The following SIPA1L3 variants were observed in gnomAD, a reference collection of about 807,000 sequenced individuals.
SIPA1L3 encodes signal induced proliferation associated 1 like 3.
SIPA1L3 carries 59 observed loss-of-function variants against 150.1 expected under a neutral mutation model. The ratio of observed to expected loss-of-function variants is 0.39; its 90% CI spans 0.32 to 0.49. The LOEUF (loss-of-function observed/expected upper bound fraction) is 0.49. Ranked by LOEUF, SIPA1L3 falls within the 20% of genes least tolerant of loss-of-function variation. SIPA1L3 has a pLI of 0.86. For missense variants in SIPA1L3, 2,211 were observed against 2,489.5 expected, an observed-to-expected ratio of 0.89 and a Z score of 2.38; for synonymous variants, 1,070 against 1,077.6, an observed-to-expected ratio of 0.99 and a Z score of 0.14.
intron 1 of SIPA1L3, among the ~76,000 whole-genome samples, chr19:37,975,150 G>T (rs1352718894): frequency 6.6e-6 from 1 of 152,226 alleles, no homozygotes; most frequent in Non-Finnish European, 1.5e-5. Context: ...GCCTGGAGGG[G>T]ACGCAAGAGA....
chr19:38,010,341 G>T (rs1968067555), intron 1 of SIPA1L3, among the ~76,000 whole-genome samples: 1 of 151,532 alleles, frequency 6.6e-6, no homozygotes, highest in Non-Finnish European at 1.5e-5. Context: ...CCAGGAGTTT[G>T]AGGCTATAGT....
intron 2 of SIPA1L3, among the ~76,000 whole-genome samples, chr19:38,056,017 C>G (rs1011500838): frequency 1.3e-5 from 2 of 152,242 alleles, no homozygotes; most frequent in Admixed American, 6.5e-5. Context: ...CTCTCTCCCT[C>G]CCGCTCGAGT....
intron 4 of SIPA1L3, among the ~76,000 whole-genome samples, chr19:38,089,260 G>T (rs561785507): frequency 1.3e-5 from 2 of 149,244 alleles, no homozygotes; most frequent in South Asian, 4.2e-4. Flanking sequence ...AGAGGCTGCA[G>T]TGAGCTGAGT....
chr19:38,100,418 G>C (rs1014810382), intron 5 of SIPA1L3, among the ~76,000 whole-genome samples: 1 of 152,138 alleles, frequency 6.6e-6, no homozygotes, highest in East Asian at 1.9e-4. Flanking sequence ...TGTCTATAGT[G>C]GGGGGTTAGT....
intron 1 of SIPA1L3, among the ~76,000 whole-genome samples, chr19:37,926,507 G>A (rs1206785518): frequency 1.3e-5 from 2 of 152,060 alleles, no homozygotes; most frequent in African/African-American, 4.8e-5. Context: ...TGGAACCCGT[G>A]GGCATTCTGC....
At chr19:38,100,846 G>A (rs999034327) in intron 5 of SIPA1L3, among the ~76,000 whole-genome samples, 8 of 152,216 alleles carry the variant, frequency 5.3e-5, no homozygotes, top group Non-Finnish European at 8.8e-5. Flanking sequence ...ACCTCGTTGT[G>A]CTTCTCTGGA....
At chr19:38,078,801 C>T (rs1452973157) in intron 2 of SIPA1L3, among the ~76,000 whole-genome samples, 1 of 152,200 alleles carries the variant, frequency 6.6e-6, no homozygotes, top group Non-Finnish European at 1.5e-5. Flanking sequence ...AGGGAGCGGG[C>T]ACGGCTGCTG....
At position 38,119,628 on chromosome 19, in the gene SIPA1L3, G is replaced by A. The variant is rs201424833; in HGVS notation, c.2614G>A (p.Ala872Thr). Reference sequence around the variant, plus strand: ...TGAGCAGCACAGTGCAGGGGCCATCGCCTGGAGGGTGGTGGCCCAGGACTA... The same window carrying A: ...TGAGCAGCACAGTGCAGGGGCCATCACCTGGAGGGTGGTGGCCCAGGACTA... ...GAEQHSAGAI[A>T]WRVVAQDYAQ... The change falls in exon 9 of 22, where the codon GCC becomes ACC. Residue 872 changes from alanine (A) to threonine (T), a missense_variant. Coordinates refer to ENST00000222345, the MANE Select transcript of SIPA1L3 (RefSeq NM_015073.3). 2.5e-5 allele frequency: 40 copies of A among 1,614,086 alleles called. No individual in the cohort carries two copies. In the East Asian group the frequency reaches 4.0e-4, roughly 16 times the overall value.
intron 2 of SIPA1L3, among the ~76,000 whole-genome samples, chr19:38,048,942 G>T (rs752124153): frequency 6.6e-6 from 1 of 152,106 alleles, no homozygotes; most frequent in Non-Finnish European, 1.5e-5. Flanking sequence ...AATTAGCTGG[G>T]TGTGGTAGTG....
chr19:38,177,211 A>C (rs889981829), intron 15 of SIPA1L3, among the ~76,000 whole-genome samples: 1 of 151,236 alleles, frequency 6.6e-6, no homozygotes, highest in East Asian at 2.0e-4. Flanking sequence ...AATAGAAAAA[A>C]CTAGCCAGGT....
intron 10 of SIPA1L3, among the ~76,000 whole-genome samples, chr19:38,131,983 G>A (rs992024290): frequency 1.3e-5 from 2 of 151,880 alleles, no homozygotes; most frequent in Admixed American, 6.6e-5. Flanking sequence ...ACCTGTAATC[G>A]TAACACTCTG....
intron 1 of SIPA1L3, among the ~76,000 whole-genome samples, chr19:37,914,409 G>A (rs1027402891): frequency 6.7e-6 from 1 of 148,616 alleles, no homozygotes; most frequent in African/African-American, 2.5e-5. Flanking sequence ...CTGCTCTGTC[G>A]CCCAGGCTGG....
intron 1 of SIPA1L3, among the ~76,000 whole-genome samples, chr19:37,934,288 C>T (rs952799571): frequency 7.2e-5 from 11 of 152,284 alleles, no homozygotes; most frequent in Non-Finnish European, 1.6e-4. Flanking sequence ...CATACATCAT[C>T]GCATGTCAGG....
intron 8 of SIPA1L3, among the ~76,000 whole-genome samples, chr19:38,117,311 CG>C (rs1264632392): frequency 6.6e-6 from 1 of 152,116 alleles, no homozygotes; most frequent in African/African-American, 2.4e-5. Flanking sequence ...GATCCCAGTC[CG>C]CTCGCTGCTA....
intron 8 of SIPA1L3, among the ~76,000 whole-genome samples, chr19:38,116,362 G>C (rs1056074132): frequency 5.3e-5 from 8 of 151,282 alleles, no homozygotes; most frequent in Non-Finnish European, 1.0e-4. Context: ...ACAAAAATTA[G>C]CCAGGCGTGG....
At chr19:38,008,867 T>A (rs1337888740) in intron 1 of SIPA1L3, among the ~76,000 whole-genome samples, 2 of 151,968 alleles carry the variant, frequency 1.3e-5, no homozygotes, top group African/African-American at 2.4e-5. Flanking sequence ...GCCACATTCC[T>A]TTTTCAAAGC....
intron 1 of SIPA1L3, among the ~76,000 whole-genome samples, chr19:38,025,381 T>C (rs867838862): frequency 6.6e-6 from 1 of 152,126 alleles, no homozygotes. Context: ...TCCCAGGTGG[T>C]AGAAAGTGGG....
At chr19:37,940,815 C>T (rs2046647767) in intron 1 of SIPA1L3, among the ~76,000 whole-genome samples, 1 of 152,056 alleles carries the variant, frequency 6.6e-6, no homozygotes, top group South Asian at 2.1e-4. Flanking sequence ...CCCCTGACCT[C>T]AAAGGATCCT....
At chr19:38,098,056 C>T (rs1460766957) in intron 4 of SIPA1L3, among the ~76,000 whole-genome samples, 1 of 152,176 alleles carries the variant, frequency 6.6e-6, no homozygotes, top group Non-Finnish European at 1.5e-5. Context: ...ATAAAACCTC[C>T]CTTGAATAGA....
Sources: gnomAD v4.1 joint callset for allele counts (sites outside exome capture counted in the v4.1 genomes callset) on GRCh38, gnomAD v4.1.1 for gene constraint, MANE v1.5 for transcripts, NCBI Gene and HGNC (gene_info 2026-07-23, HGNC 2026-07-21) for gene names.